Variants in POLM observed in about 807,000 individuals in gnomAD.
POLM encodes DNA polymerase mu.
POLM carries 52 observed loss-of-function variants against 56.7 expected under a neutral mutation model. The ratio of observed to expected loss-of-function variants is 0.92; its 90% CI spans 0.73 to 1.15. The LOEUF is 1.15. Ranked by LOEUF, POLM falls within the 50% of genes most tolerant of loss-of-function variation. POLM has a pLI of 0.00. For synonymous variants in POLM, 273 were observed against 274.3 expected (o/e 1.00, Z 0.05); for missense variants, 660 against 663.6 (o/e 0.99, Z 0.06).
chr7:44,073,508 A>G, intron 10 of POLM, 117 bp downstream of exon 10: 5 of 1,588,756 alleles, frequency 3.1e-6, no homozygotes, highest in Non-Finnish European at 4.3e-6. Context: ...CTGTGTGTGG[A>G]GACCCAGATT....
At chr7:44,079,544 C>G in intron 4 of POLM, 27 bp downstream of exon 4, 2 of 1,280,210 alleles carry the variant, frequency 1.6e-6, no homozygotes, top group Non-Finnish European at 2.2e-6. Flanking sequence ...CCCACCCACT[C>G]ACCCTGCTAG....
chr7:44,082,478 G>C lies in POLM; in HGVS notation c.-40C>G. 2 of 1,015,864 alleles carry C rather than the reference G, an allele frequency of 2.0e-6. No homozygotes were observed. The highest frequency in any genetic ancestry group is 2.4e-4 in the East Asian group (2 of 8,228). 62.9% of individuals were successfully genotyped at this position (1,015,864 alleles called of 1,614,324 possible). A position where few individuals can be genotyped will look rare whatever the true frequency, so the allele number is the denominator to read the frequency against. On this transcript the variant is annotated 5_prime_UTR_variant, in exon 1 of 11. Coordinates refer to ENST00000242248, the MANE Select transcript of POLM (RefSeq NM_013284.4). ...CCAGCAGCGCGGAGCGAACGCAGAG[G>C]GAAACTCCGAGCGAGACGGAAGGAA...
chr7:44,074,278 A>C, intron 7 of POLM, 45 bp from the exon 8 acceptor site: 1 of 1,543,474 alleles, frequency 6.5e-7, no homozygotes, highest in Non-Finnish European at 8.8e-7. Flanking sequence ...CGGCCTGCTC[A>C]CTCCAGCCCC....
rs771553747 is a variant in POLM at position 44,080,740 on chromosome 7, C to T, written c.365G>A (p.Arg122His). The T allele has an allele frequency of 5.8e-5, 93 of 1,613,884 alleles. No individual in the cohort carries two copies. The highest frequency in any genetic ancestry group is 1.9e-4 in the South Asian group (17 of 91,082). ...GTCTTCCACCCAGCTCACCTCCAGG[C>T]GGTGCCGGCACTCCACAGGTACAGG... is the stretch of plus-strand genomic sequence containing the variant. ...GQPVPVECRH[R>H]LEVAGPRKGP... Residue 122 changes from arginine to histidine, a missense_variant, in exon 2 of 11, where the codon CGC (arginine) becomes CAC (histidine). Arg to His is a conservative substitution (Grantham distance 29). Transcript: ENST00000242248.
intron 10 of POLM, 88 bp from the exon 11 acceptor site, chr7:44,073,465 G>A (rs1417187245): frequency 1.3e-6 from 2 of 1,579,494 alleles, no homozygotes; most frequent in Admixed American, 1.8e-5. Context: ...AGAGCCCAGC[G>A]CCGAGGTGGG....
At chr7:44,073,453 G>C (rs28382659) in intron 10 of POLM, 76 bp from the exon 11 acceptor site, 212 of 1,585,904 alleles carry the variant, frequency 1.3e-4, no homozygotes, top group Admixed American at 5.8e-4. Flanking sequence ...TGAGGGTGGG[G>C]AAGAGCCCAG....
At position 44,082,258 on chromosome 7, in the gene POLM, C is replaced by A. The variant is rs763493174; in HGVS notation, c.181G>T (p.Ala61Ser). The A allele has an allele frequency of 3.4e-6, 5 of 1,490,252 alleles. No homozygotes were observed. The Admixed American group carries it at 7.6e-5, about 23-fold the overall frequency. 92.3% of individuals were successfully genotyped at this position (1,490,252 alleles called of 1,614,324 possible). ...ARSKGFRVLD[A>S]CSSEATHVVM... ...CGCCGCGCCGCCCCGCACCTGCAGGCGTCAAGGACGCGGAAGCCTTTGGAG... is the reference window on the plus strand; with the variant it reads ...CGCCGCGCCGCCCCGCACCTGCAGGAGTCAAGGACGCGGAAGCCTTTGGAG... The change falls in exon 1 of 11, where the codon GCC becomes TCC. Residue 61 changes from alanine (A) to serine (S), a missense_variant. Ala to Ser is a moderately conservative substitution (Grantham distance 99). Coordinates refer to ENST00000242248, the MANE Select transcript of POLM (RefSeq NM_013284.4).
At chr7:44,074,604 AG>A (rs2096178783) in intron 6 of POLM, 74 bp from the exon 7 acceptor site, 1 of 1,456,856 alleles carries the variant, frequency 6.9e-7, no homozygotes, top group Non-Finnish European at 9.1e-7. Context: ...CACCAGCATG[AG>A]GTGATCAACC....
At chr7:44,081,729 T>C (rs2096200436) in intron 1 of POLM, among the ~76,000 whole-genome samples, 1 of 151,030 alleles carries the variant, frequency 6.6e-6, no homozygotes, top group African/African-American at 2.4e-5. Flanking sequence ...GCAGAAGGGC[T>C]GTTAGCAAAT....
rs770914546 is a variant in POLM at position 44,074,238 on chromosome 7, G to A, written c.969-5C>T. 3.8e-6 allele frequency: 6 copies of A among 1,569,388 alleles called. No individual in the cohort carries two copies. In the East Asian group the frequency reaches 9.3e-5, roughly 24 times the overall value. On this transcript the variant is annotated splice_polypyrimidine_tract_variant and splice_region_variant and intron_variant, in intron 7 of 10. Coordinates refer to ENST00000242248, the MANE Select transcript of POLM (RefSeq NM_013284.4). ...TCATGGCCCTGCAACTTCCCCCTGA[G>A]GGCGTCAGTCTGACTCTGACTCAGG...
chr7:44,080,660 C>T, intron 2 of POLM, 73 bp downstream of exon 2: 2 of 1,464,938 alleles, frequency 1.4e-6, no homozygotes, highest in Admixed American at 3.4e-5. Context: ...GCCATGTCAC[C>T]TGTCCCAGCT....
intron 6 of POLM, 90 bp downstream of exon 6, chr7:44,076,405 AACCCTCTGCACCAG>A: frequency 6.8e-7 from 1 of 1,467,418 alleles, no homozygotes; most frequent in Non-Finnish European, 9.3e-7. Context: ...GCTGCCACCA[AACCCTCTGCACCAG>A]ACTGCTCCCT....
chr7:44,073,918 GC>G lies in POLM; in HGVS notation c.1178del (p.Arg393ProfsTer23), dbSNP rs1228760067. The G allele has an allele frequency of 6.2e-6, 10 of 1,614,250 alleles. No individual in the cohort carries two copies. In the East Asian group the frequency reaches 2.0e-4, roughly 32 times the overall value. On this transcript the variant is annotated frameshift_variant, in exon 9 of 11. Transcript: ENST00000242248. LOFTEE classifies it high-confidence loss of function. ...CAGCAGCCCCTGGAGGTTGTGGTAG[GC>G]GGAAAATGCAGAAACTTCTCTCAAA... is the stretch of plus-strand genomic sequence containing the variant. ...DAFERSFCIF[R>X]LPQPPGAAVG...
chr7:44,074,484 A>G lies in POLM; in HGVS notation c.882T>C (p.Asp294=), dbSNP rs747351099. ...CCACCACCTGCTGCAGGGCATCTAC[A>G]TCGGACCGCAGGACTGGGGTGCTCA... ...QDLSTPVLRS[D]VDALQQVVEE... The change falls in exon 7 of 11, where the codon GAT becomes GAC. Residue 294 remains aspartate (D), a synonymous_variant. Coordinates refer to ENST00000242248, the MANE Select transcript of POLM (RefSeq NM_013284.4). The G allele has an allele frequency of 5.0e-6, 8 of 1,597,980 alleles. No homozygotes were observed. Among genetic ancestry groups the G allele is most frequent in the East Asian group, 2.3e-5 (1 of 44,242 alleles).
rs1183257985 is a variant in POLM at position 44,079,842 on chromosome 7, G to T, written c.471+19C>A. On this transcript the variant is annotated intron_variant, in intron 3 of 10. Coordinates refer to ENST00000242248, the MANE Select transcript of POLM (RefSeq NM_013284.4). ...TCCCCAACCCCCAGGGCTGGCCAAG[G>T]CTCATAGAAGCGGCTTACGGAGAGG... The T allele has an allele frequency of 1.9e-6, 3 of 1,613,470 alleles. No individual in the cohort carries two copies. The highest frequency in any genetic ancestry group is 2.2e-5 in the South Asian group (2 of 91,072).
chr7:44,072,148 G>C lies in POLM; in HGVS notation c.*1143C>G, dbSNP rs541920784. 1.3e-5 allele frequency: 2 copies of C among 152,396 alleles called. No homozygotes were observed. The highest frequency in any genetic ancestry group is 4.1e-4 in the South Asian group (2 of 4,830). 9.4% of individuals were successfully genotyped at this position (152,396 alleles called of 1,614,324 possible). On this transcript the variant is annotated 3_prime_UTR_variant, in exon 11 of 11. Coordinates refer to ENST00000242248, the MANE Select transcript of POLM (RefSeq NM_013284.4). ...ATGTAGCACCGCTAAGTGGGTGGGG[G>C]TGGAGAAGCACATGACCACAATAGG...
rs112383685 is a variant in POLM at position 44,072,613 on chromosome 7, G to A, written c.*678C>T. On this transcript the variant is annotated 3_prime_UTR_variant, in exon 11 of 11. Coordinates refer to ENST00000242248, the MANE Select transcript of POLM (RefSeq NM_013284.4). ...GTTTGGAACCATTAAAGGGCTCTGC[G>A]ACGGGAGTGGCAGGATATGACCTAT... is the stretch of plus-strand genomic sequence containing the variant. 1.5e-3 allele frequency: 224 copies of A among 153,530 alleles called. 2 individuals carry two copies. Among genetic ancestry groups the A allele is most frequent in the African/African-American group, 5.1e-3 (214 of 41,620 alleles). 9.5% of individuals were successfully genotyped at this position (153,530 alleles called of 1,614,324 possible).
intron 5 of POLM, chr7:44,077,048 G>A (rs1349117299): frequency 6.4e-6 from 1 of 156,512 alleles, no homozygotes; most frequent in Non-Finnish European, 1.4e-5. Context: ...AATCAAAAGG[G>A]TGGATTTAGG....
rs760463585 is a variant in POLM, at chr7:44,080,377, G to A, written c.372+356C>T. ...CCCAAGCCCACACCTGTCAGAGGCC[G>A]GGAGCCTTATAGCATCCAGAGGACA... On this transcript the variant is annotated intron_variant, in intron 2 of 10. Coordinates refer to ENST00000242248, the MANE Select transcript of POLM (RefSeq NM_013284.4). 194 of 548,732 alleles carry A rather than the reference G, an allele frequency of 3.5e-4. 1 individual carries two copies. The highest frequency in any genetic ancestry group is 1.1e-3 in the Middle Eastern group (4 of 3,634). The allele number at this position is 548,732 out of a possible 1,614,324, so 34.0% of individuals were successfully genotyped here.
Sources: allele counts gnomAD v4.1 joint callset (sites outside exome capture counted in the v4.1 genomes callset), GRCh38; gene constraint gnomAD v4.1.1; transcripts MANE v1.5; gene names NCBI Gene and HGNC (gene_info 2026-07-23, HGNC 2026-07-21).